The following RNF8 variants were observed in gnomAD, a reference collection of about 807,000 sequenced individuals.
RNF8 encodes the protein ring finger protein 8.
A neutral mutation model predicts 59.3 loss-of-function variants in RNF8; 8 were observed. That is an observed-to-expected ratio of 0.13 (90% CI 0.08 to 0.24). The LOEUF is 0.24. Ranked by LOEUF, RNF8 falls within the 10% of genes least tolerant of loss-of-function variation. The pLI is 1.00. For synonymous variants in RNF8, 162 were observed against 200.0 expected, an observed-to-expected ratio of 0.81 and a Z score of 1.60; for missense variants, 406 against 572.6, an observed-to-expected ratio of 0.71 and a Z score of 2.97.
Position 37,368,990 on chromosome 6 carries a change from T to G in RNF8, c.747T>G (p.Phe249Leu). Residue 249 changes from phenylalanine to leucine, a missense_variant, in exon 3 of 8, where the codon TTT becomes TTG. Transcript: ENST00000373479. ...SSASQRSLQM[F>L]KVTMSRILRL... The stretch of plus-strand genomic sequence containing the variant: ...CATCTCAGAGAAGCTTACAGATGTT[T>G]AAGGTGACCATGTCCAGGATTCTGA... 1 of 1,614,186 alleles carries G rather than the reference T, an allele frequency of 6.2e-7. No homozygotes were observed. Among genetic ancestry groups the G allele is most frequent in the Non-Finnish European group, 8.5e-7 (1 of 1,180,032 alleles).
chr6:37,364,957 G>A (rs563034447), intron 2 of RNF8, among the ~76,000 whole-genome samples: 21 of 152,106 alleles, frequency 1.4e-4, no homozygotes, highest in Admixed American at 4.6e-4. Flanking sequence ...TTTAGTAGAG[G>A]TGGGTTTCAC....
chr6:37,378,528 G>T (rs2113828912), intron 6 of RNF8, among the ~76,000 whole-genome samples: 1 of 148,592 alleles, frequency 6.7e-6, no homozygotes, highest in South Asian at 2.1e-4. Flanking sequence ...TTGAACCCAG[G>T]AGGCAGAGCT....
intron 1 of RNF8, among the ~76,000 whole-genome samples, chr6:37,356,521 A>G (rs1769121486): frequency 6.6e-6 from 1 of 152,230 alleles, no homozygotes; most frequent in South Asian, 2.1e-4. Context: ...TTGTCTAATT[A>G]AGTGGCTTTA....
chr6:37,355,840 A>G (rs539634430), intron 1 of RNF8, among the ~76,000 whole-genome samples: 1 of 152,322 alleles, frequency 6.6e-6, no homozygotes, highest in East Asian at 1.9e-4. Context: ...AAGTTTAACA[A>G]ATTAAAACAC....
At chr6:37,354,791 T>A (rs1365036824) in intron 1 of RNF8, among the ~76,000 whole-genome samples, 1 of 151,992 alleles carries the variant, frequency 6.6e-6, no homozygotes, top group Non-Finnish European at 1.5e-5. Flanking sequence ...CGGGGAACGG[T>A]GGCGGGGGCC....
At chr6:37,363,564 T>C (rs1014209224) in intron 2 of RNF8, among the ~76,000 whole-genome samples, 22 of 152,322 alleles carry the variant, frequency 1.4e-4, no homozygotes, top group African/African-American at 5.3e-4. Flanking sequence ...CATAATGGAA[T>C]ACCTCTACAC....
At chr6:37,356,115 A>G (rs1358641063) in intron 1 of RNF8, among the ~76,000 whole-genome samples, 2 of 152,234 alleles carry the variant, frequency 1.3e-5, no homozygotes, top group Admixed American at 6.5e-5. Flanking sequence ...CAAGAAGACT[A>G]TAAAGCAGTC....
chr6:37,387,063 C>T (rs1343501419), intron 7 of RNF8, among the ~76,000 whole-genome samples: 1 of 152,020 alleles, frequency 6.6e-6, no homozygotes, highest in African/African-American at 2.4e-5. Flanking sequence ...CTTGGTTAAC[C>T]CTAGATGAAC....
intron 2 of RNF8, among the ~76,000 whole-genome samples, chr6:37,362,154 A>G (rs1769348608): frequency 6.6e-6 from 1 of 152,236 alleles, no homozygotes; most frequent in African/African-American, 2.4e-5. Context: ...AGTAGGCTGT[A>G]TGAGAGTTAG....
chr6:37,364,039 C>A (rs191254393), intron 2 of RNF8, among the ~76,000 whole-genome samples: 1 of 151,876 alleles, frequency 6.6e-6, no homozygotes, highest in South Asian at 2.1e-4. Flanking sequence ...ATTAGCCAGG[C>A]GTGGTGGCGG....
Position 37,368,737 on chromosome 6 carries a change from G to C in RNF8, c.494G>C (p.Gly165Ala), listed in dbSNP as rs1177533909. The C allele has an allele frequency of 6.2e-7, 1 of 1,614,160 alleles. No homozygotes were observed. Among genetic ancestry groups the C allele is most frequent in the Non-Finnish European group, 8.5e-7 (1 of 1,180,038 alleles). ...AGTTTGGATGAATTAGCAGGTCCTGGAGCTGAAGGCCCCTCAAATTTGAAA... is the reference window on the plus strand; with the variant it reads ...AGTTTGGATGAATTAGCAGGTCCTGCAGCTGAAGGCCCCTCAAATTTGAAA... ...KFSLDELAGP[G>A]AEGPSNLKSK... is the part of the protein sequence containing the mutation. The change falls in exon 3 of 8, where the codon GGA (glycine) becomes GCA (alanine). Residue 165 changes from glycine (G) to alanine (A), a missense_variant. Physicochemically the swap from Gly to Ala is moderately conservative, Grantham distance 60. Around this residue, in one of 3 missense-constraint regions of RNF8, gnomAD observed 285 missense variants for 342.0 expected, o/e 0.83. Transcript: ENST00000373479.
intron 4 of RNF8, among the ~76,000 whole-genome samples, chr6:37,373,017 A>G (rs893851880): frequency 6.6e-6 from 1 of 152,216 alleles, no homozygotes; most frequent in Non-Finnish European, 1.5e-5. Flanking sequence ...CCTGGGGGAC[A>G]TGCCACTCTC....
In RNF8 at chr6:37,390,869, C is replaced by T; in HGVS notation, c.*111C>T. 1.3e-6 allele frequency: 2 copies of T among 1,588,248 alleles called. No individual in the cohort carries two copies. The highest frequency in any genetic ancestry group is 1.7e-6 in the Non-Finnish European group (2 of 1,156,622). On this transcript the variant is annotated 3_prime_UTR_variant, in exon 8 of 8. Coordinates refer to ENST00000373479, the MANE Select transcript of RNF8 (RefSeq NM_003958.4). ...CTGCTCTGAAGGTCAACTGAGAAGTCTTGTGGGACAGAGACTTGAGTTAGG... is the reference window on the plus strand; with the variant it reads ...CTGCTCTGAAGGTCAACTGAGAAGTTTTGTGGGACAGAGACTTGAGTTAGG...
At position 37,392,389 on chromosome 6, in the gene RNF8, G is replaced by A. The variant is rs1326167932; in HGVS notation, c.*1631G>A. 2.5e-6 allele frequency: 1 copy of A among 398,400 alleles called. No individual in the cohort carries two copies. The highest frequency in any genetic ancestry group is 2.1e-5 in the African/African-American group (1 of 48,632). The allele number at this position is 398,400 out of a possible 1,614,324, so 24.7% of individuals were successfully genotyped here. A position where few individuals can be genotyped will look rare whatever the true frequency, so the allele number is the denominator to read the frequency against. ...TTTGAGTAGGCAATATGTTCACATA[G>A]TTTGAAATTAAAGGTACAAAATGGC... is the stretch of plus-strand genomic sequence containing the variant. On this transcript the variant is annotated 3_prime_UTR_variant, in exon 8 of 8. Transcript: ENST00000373479.
intron 4 of RNF8, among the ~76,000 whole-genome samples, chr6:37,371,853 G>A (rs891315657): frequency 6.6e-6 from 1 of 152,220 alleles, no homozygotes; most frequent in African/African-American, 2.4e-5. Context: ...CTCTGGGGAA[G>A]TGGCTCCACT....
intron 1 of RNF8, 57 bp downstream of exon 1, chr6:37,354,332 C>T: frequency 7.7e-7 from 1 of 1,303,738 alleles, no homozygotes; most frequent in Non-Finnish European, 1.0e-6. Flanking sequence ...AGCGGGGCTC[C>T]GGGGAGGGAG....
At chr6:37,378,491 C>T (rs1770112801) in intron 6 of RNF8, among the ~76,000 whole-genome samples, 1 of 149,710 alleles carries the variant, frequency 6.7e-6, no homozygotes, top group Non-Finnish European at 1.5e-5. Flanking sequence ...ATCCCAGCTA[C>T]TCGGGAGGCT....
At chr6:37,377,143 G>T (rs1176371695) in intron 6 of RNF8, 110 bp downstream of exon 6, 2 of 602,402 alleles carry the variant, frequency 3.3e-6, no homozygotes, top group Non-Finnish European at 5.7e-6. Flanking sequence ...CACAATCTCG[G>T]CTCACTGCAA....
chr6:37,371,707 G>T, intron 4 of RNF8, 133 bp downstream of exon 4: 1 of 634,140 alleles, frequency 1.6e-6, no homozygotes, highest in South Asian at 2.1e-5. Context: ...CAGAGCAGGT[G>T]GCAGCTGCTC....
Sources: allele counts gnomAD v4.1 joint callset (sites outside exome capture counted in the v4.1 genomes callset), GRCh38; gene constraint gnomAD v4.1.1; regional missense constraint gnomAD v4.1.1; transcripts MANE v1.5; gene names NCBI Gene and HGNC (gene_info 2026-07-23, HGNC 2026-07-21).